Variants in SEMA3G observed in about 807,000 individuals in gnomAD.
SEMA3G encodes the protein semaphorin-3G.
A neutral mutation model predicts 86.2 loss-of-function variants in SEMA3G; 70 were observed. The observed-to-expected ratio is 0.81, with a 90% CI of 0.67 to 0.99. SEMA3G has a LOEUF of 0.99. Ranked by LOEUF, SEMA3G falls within the 50% of genes least tolerant of loss-of-function variation. The probability of loss-of-function intolerance (pLI) is 0.00; values close to 1 mark genes in which losing one functional copy is unlikely to be tolerated. For synonymous variants in SEMA3G, 416 were observed against 441.4 expected (o/e 0.94, Z 0.72); for missense variants, 1,002 against 1,072.4 (o/e 0.93, Z 0.92).
chr3:52,440,478 C>G lies in SEMA3G; in HGVS notation c.1042G>C (p.Asp348His). 13 of 1,611,998 alleles carry G rather than the reference C, an allele frequency of 8.1e-6. No individual in the cohort carries two copies. Among genetic ancestry groups the G allele is most frequent in the Non-Finnish European group, 1.0e-5 (12 of 1,179,574 alleles). Residue 348 changes from aspartate to histidine, a missense_variant, in exon 10 of 16, where the codon GAC (aspartate) becomes CAC (histidine). Asp to His is a moderately conservative substitution (Grantham distance 81). Coordinates refer to ENST00000231721, the MANE Select transcript of SEMA3G (RefSeq NM_020163.3). ...GGCCCGTTGAAAACCTCCCAGATGTCTGCCATGTGGTACACACAGACGGCG... is the reference window on the plus strand; with the variant it reads ...GGCCCGTTGAAAACCTCCCAGATGTGTGCCATGTGGTACACACAGACGGCG... Reference protein sequence around the residue: ...GFAVCVYHMADIWEVFNGPFA... With the variant: ...GFAVCVYHMAHIWEVFNGPFA...
At position 52,434,533 on chromosome 3, in the gene SEMA3G, G is replaced by A. The variant is rs746798174; in HGVS notation, c.*1070C>T. ...TTCTTGTGGACACCTGTTCCTGCCT[G>A]GGTCCCACAATCTATCCTAAGGGTC... On this transcript the variant is annotated 3_prime_UTR_variant, in exon 16 of 16. Transcript: ENST00000231721. This position sits in a 1 kb window ranked among gnomAD's most constrained non-coding sequence, Gnocchi z 5.2. 6.6e-6 allele frequency: 1 copy of A among 152,158 alleles called. No individual in the cohort carries two copies. Among genetic ancestry groups the A allele is most frequent in the Non-Finnish European group, 1.5e-5 (1 of 68,020 alleles). 9.4% of individuals were successfully genotyped at this position (152,158 alleles called of 1,614,324 possible). A position where few individuals can be genotyped will look rare whatever the true frequency, so the allele number is the denominator to read the frequency against.
intron 1 of SEMA3G, among the ~76,000 whole-genome samples, chr3:52,444,342 G>A (rs1706218270): frequency 6.6e-6 from 1 of 151,974 alleles, no homozygotes; most frequent in Admixed American, 6.6e-5. Flanking sequence ...CCCTGGTCCT[G>A]TCTCCCAGGA....
Sources: gnomAD v4.1 joint callset for allele counts (sites outside exome capture counted in the v4.1 genomes callset) on GRCh38, gnomAD v4.1.1 for gene constraint, Gnocchi (gnomAD v3.1) non-coding constraint, MANE v1.5 for transcripts, NCBI Gene and HGNC (gene_info 2026-07-23, HGNC 2026-07-21) for gene names.